Variants in FLRT1 observed in about 807,000 individuals in gnomAD.
FLRT1 encodes fibronectin leucine rich transmembrane protein 1.
FLRT1 carries 14 observed loss-of-function variants against 30.9 expected under a neutral mutation model. The observed-to-expected ratio is 0.45, with a 90% confidence interval of 0.30 to 0.71. The LOEUF (loss-of-function observed/expected upper bound fraction) is 0.71, where lower values mean the gene tolerates loss of function less well. FLRT1 is among the 30% of genes least tolerant of loss of function. The pLI is 0.08. For synonymous variants in FLRT1, 368 were observed against 430.4 expected, an observed-to-expected ratio of 0.85 and a Z score of 1.80; for missense variants, 737 against 949.2, an observed-to-expected ratio of 0.78 and a Z score of 2.94.
chr11:64,089,752 C>T (rs1944457705), intron 1 of FLRT1, among the ~76,000 whole-genome samples: 1 of 152,146 alleles, frequency 6.6e-6, no homozygotes, highest in South Asian at 2.1e-4. Flanking sequence ...ATCGGGGAAG[C>T]TGCCAGTCCC....
chr11:64,117,423 G>A lies in FLRT1; in HGVS notation c.1156G>A (p.Gly386Ser), dbSNP rs752962938. 20 of 1,612,462 alleles carry A rather than the reference G, an allele frequency of 1.2e-5. No individual in the cohort carries two copies. The highest frequency in any genetic ancestry group is 6.7e-5 in the East Asian group (3 of 44,852). Residue 386 changes from glycine (G) to serine (S), a missense_variant, in exon 3 of 3, where the codon GGC becomes AGC. Coordinates refer to ENST00000682287, the MANE Select transcript of FLRT1 (RefSeq NM_013280.5). ...DECFETGPQG[G>S]VANAAAKTTA... ...GTGTTTTGAGACGGGGCCGCAGGGCGGCGTGGCCAATGCGGCTGCCAAGAC... is the reference window on the plus strand; with the variant it reads ...GTGTTTTGAGACGGGGCCGCAGGGCAGCGTGGCCAATGCGGCTGCCAAGAC...
At chr11:64,070,986 C>T (rs1944098796) in intron 1 of FLRT1, among the ~76,000 whole-genome samples, 2 of 152,146 alleles carry the variant, frequency 1.3e-5, no homozygotes, top group African/African-American at 4.8e-5. Flanking sequence ...AAGGGTTTGA[C>T]TATTCAATCC....
chr11:64,090,187 G>A lies in FLRT1; in HGVS notation c.-1037-13007G>A, dbSNP rs944100330. On this transcript the variant is annotated intron_variant, in intron 1 of 2. Coordinates refer to ENST00000682287, the MANE Select transcript of FLRT1 (RefSeq NM_013280.5). This position sits in a 1 kb window ranked among gnomAD's most constrained non-coding sequence, Gnocchi z 4.7. ...TCCCAGGCCCCAGGTTTCAGGCCCC[G>A]AACAGCCTGAGTCCACAGGGTGACA... Among the ~76,000 whole-genome samples, 3 of 152,258 alleles carry A rather than the reference G, an allele frequency of 2.0e-5. No homozygotes were observed. Among genetic ancestry groups the A allele is most frequent in the Admixed American group, 1.3e-4 (2 of 15,306 alleles).
At position 64,096,604 on chromosome 11, in the gene FLRT1, C is replaced by T. The variant is rs1007002147; in HGVS notation, c.-1037-6590C>T. Among the ~76,000 whole-genome samples, 7 of 151,974 alleles carry T rather than the reference C, an allele frequency of 4.6e-5. No individual in the cohort carries two copies. The highest frequency in any genetic ancestry group is 3.9e-4 in the East Asian group (2 of 5,174). ...CTAATTTTTTTATTTTTAGTAGACACGGGGGTATCAACATGTTGGCCAGGC... is the reference window on the plus strand; with the variant it reads ...CTAATTTTTTTATTTTTAGTAGACATGGGGGTATCAACATGTTGGCCAGGC... On this transcript the variant is annotated intron_variant, in intron 1 of 2. Transcript: ENST00000682287. This position sits in a 1 kb window ranked among gnomAD's most constrained non-coding sequence, Gnocchi z 4.6.
At chr11:64,092,867 G>C (rs1944513814) in intron 1 of FLRT1, among the ~76,000 whole-genome samples, 1 of 152,242 alleles carries the variant, frequency 6.6e-6, no homozygotes, top group African/African-American at 2.4e-5. Context: ...CAAAGTCAAT[G>C]GGTAACCGCT....
chr11:64,050,909 G>A (rs577226731), intron 1 of FLRT1, among the ~76,000 whole-genome samples: 44 of 152,320 alleles, frequency 2.9e-4, no homozygotes, highest in African/African-American at 9.4e-4. Flanking sequence ...CTGAGCCACC[G>A]CGCCCGGCCA....
intron 1 of FLRT1, among the ~76,000 whole-genome samples, chr11:64,058,406 G>C (rs1565213234): frequency 6.6e-6 from 1 of 152,258 alleles, no homozygotes; most frequent in South Asian, 2.1e-4. Flanking sequence ...GAGGGCTTGG[G>C]GGGGGGTCCT....
At chr11:64,108,253 C>T (rs1475206816) in intron 2 of FLRT1, among the ~76,000 whole-genome samples, 4 of 149,980 alleles carry the variant, frequency 2.7e-5, no homozygotes, top group African/African-American at 4.9e-5. Flanking sequence ...GCAGAGGTTG[C>T]GGTGAGCCAA....
chr11:64,084,832 T>A (rs899333042), intron 1 of FLRT1, among the ~76,000 whole-genome samples: 8 of 152,142 alleles, frequency 5.3e-5, no homozygotes. Context: ...AAAGAGGTAA[T>A]GCCCCGGCCC....
Position 64,117,688 on chromosome 11 carries a change from G to A in FLRT1, c.1421G>A (p.Ser474Asn), listed in dbSNP as rs774187338. 1.2e-6 allele frequency: 2 copies of A among 1,613,632 alleles called. No individual in the cohort carries two copies. The highest frequency in any genetic ancestry group is 1.7e-6 in the Non-Finnish European group (2 of 1,179,992). The change falls in exon 3 of 3, where the codon AGC becomes AAC. Residue 474 changes from serine (S) to asparagine (N), a missense_variant. Transcript: ENST00000682287. ...CTCAGTTGGCTGCGCCTGGGCCACA[G>A]CCCAGCCGTGGGCTCCATCACGGAG... ...FRLSWLRLGHSPAVGSITETL... is the reference protein window; with the variant it reads ...FRLSWLRLGHNPAVGSITETL...
intron 1 of FLRT1, among the ~76,000 whole-genome samples, chr11:64,092,752 T>A (rs1944511644): frequency 6.6e-6 from 1 of 152,168 alleles, no homozygotes; most frequent in Non-Finnish European, 1.5e-5. Flanking sequence ...CAGCAGCCCC[T>A]TACCAAAAGC....
chr11:64,095,024 C>T (rs578191978), intron 1 of FLRT1, among the ~76,000 whole-genome samples: 10 of 152,304 alleles, frequency 6.6e-5, no homozygotes, highest in South Asian at 2.1e-4. Flanking sequence ...AAGTGTGCCG[C>T]GAATGCTTTC....
intron 1 of FLRT1, among the ~76,000 whole-genome samples, chr11:64,049,994 C>T (rs536481685): frequency 1.8e-4 from 27 of 152,184 alleles, no homozygotes; most frequent in Non-Finnish European, 3.5e-4. Flanking sequence ...GCCTGGATGC[C>T]ATATTATAAA....
intron 1 of FLRT1, among the ~76,000 whole-genome samples, chr11:64,094,045 C>G (rs1944534945): frequency 6.6e-6 from 1 of 152,214 alleles, no homozygotes; most frequent in South Asian, 2.1e-4. Context: ...GCCTGTAATC[C>G]CAGCACTTTG....
Position 64,100,593 on chromosome 11 carries a change from C to T in FLRT1, c.-1037-2601C>T, listed in dbSNP as rs139861612. The stretch of plus-strand genomic sequence containing the variant: ...TGGCGGGAGGTGTCTGCCAGGCGCA[C>T]GCATTTACATATTTATTCTTGGGCC... On this transcript the variant is annotated intron_variant, in intron 1 of 2. Transcript: ENST00000682287. Among the ~76,000 whole-genome samples, 502 of 152,276 alleles carry T rather than the reference C, an allele frequency of 3.3e-3. 6 individuals are homozygous for T. The highest frequency in any genetic ancestry group is 0.02 in the Middle Eastern group (6 of 294).
chr11:64,095,926 C>G (rs1286870363), intron 1 of FLRT1, among the ~76,000 whole-genome samples: 4 of 152,156 alleles, frequency 2.6e-5, no homozygotes, highest in African/African-American at 9.7e-5. Flanking sequence ...AGCCTGGGTT[C>G]TCTGACAGCT....
Position 64,116,462 on chromosome 11 carries a change from C to G in FLRT1, c.195C>G (p.Ile65Met). Residue 65 changes from isoleucine to methionine, a missense_variant, in exon 3 of 3, where the codon ATC becomes ATG. Transcript: ENST00000682287. ...TGTGCCGCTGCGACAACGGCTTCAT[C>G]TACTGCAACGACCGGGGACTCACAT... ...PSVCRCDNGF[I>M]YCNDRGLTSI... is the part of the protein sequence containing the mutation. The G allele has an allele frequency of 6.2e-7, 1 of 1,614,100 alleles. No homozygotes were observed. Among genetic ancestry groups the G allele is most frequent in the Non-Finnish European group, 8.5e-7 (1 of 1,180,040 alleles).
At chr11:64,111,503 C>T (rs894135269) in intron 2 of FLRT1, among the ~76,000 whole-genome samples, 1 of 152,242 alleles carries the variant, frequency 6.6e-6, no homozygotes, top group African/African-American at 2.4e-5. Context: ...GAGCCTGGCT[C>T]AGTGCAGAAG....
Position 64,036,648 on chromosome 11 carries a change from G to C in FLRT1, c.-1038+489G>C, listed in dbSNP as rs895142428. The stretch of plus-strand genomic sequence containing the variant: ...CAGCCGCGTGAGTCACGGTTGGAGC[G>C]AGGTTTTATTTTTAAAACGACTTCA... On this transcript the variant is annotated intron_variant, in intron 1 of 2. Transcript: ENST00000682287. The surrounding 1 kb of genome is among the most constrained non-coding windows in gnomAD (Gnocchi z 5.6). Among the ~76,000 whole-genome samples, 1 of 152,196 alleles carries C rather than the reference G, an allele frequency of 6.6e-6. No homozygotes were observed. The highest frequency in any genetic ancestry group is 2.4e-5 in the African/African-American group (1 of 41,468).
Sources: allele counts gnomAD v4.1 joint callset (sites outside exome capture counted in the v4.1 genomes callset), GRCh38; gene constraint gnomAD v4.1.1; non-coding constraint Gnocchi (gnomAD v3.1); transcripts MANE v1.5; gene names NCBI Gene and HGNC (gene_info 2026-07-23, HGNC 2026-07-21).